The following ELN variants were observed in gnomAD, a reference collection of about 807,000 sequenced individuals.
ELN encodes tropoelastin.
A neutral mutation model predicts 105.8 loss-of-function variants in ELN; 65 were observed. That is an observed-to-expected ratio of 0.61 (90% confidence interval 0.50 to 0.75). ELN has a LOEUF of 0.75. Among genes scored for constraint, ELN ranks in the 30% least tolerant of loss-of-function variants. The pLI is 0.00. For synonymous variants in ELN, 368 were observed against 389.2 expected (o/e 0.95, Z 0.64); for missense variants, 882 against 969.4 (o/e 0.91, Z 1.20).
intron 4 of ELN, 169 bp downstream of exon 4, chr7:74,037,908 C>T (rs566171421): frequency 9.2e-6 from 9 of 981,218 alleles, no homozygotes; most frequent in East Asian, 8.1e-5. Context: ...ATGAGTAGGC[C>T]GGGGCCAGGT....
Position 74,063,338 on chromosome 7 carries a change from A to AGCCAAAGCTGCT in ELN, c.1896_1907dup (p.Ala634_Ala637dup). On this transcript the variant is annotated inframe_insertion, in exon 28 of 33. Coordinates refer to ENST00000252034, the MANE Select transcript of ELN (RefSeq NM_000501.4). This position sits in a 1 kb window ranked among gnomAD's most constrained non-coding sequence, Gnocchi z 4.1. ...CCGGACCCGCCGCCGCCGCTGCCGCAGCCAAAGCTGCTGCCAAAGCCGCCC... is the reference window on the plus strand; with the variant it reads ...CCGGACCCGCCGCCGCCGCTGCCGCAGCCAAAGCTGCTGCCAAAGCTGCTGCCAAAGCCGCCC... 1 of 1,550,498 alleles carries AGCCAAAGCTGCT rather than the reference A, an allele frequency of 6.4e-7. No individual in the cohort carries two copies. Among genetic ancestry groups the AGCCAAAGCTGCT allele is most frequent in the Non-Finnish European group, 8.7e-7 (1 of 1,148,138 alleles).
chr7:74,037,672 G>A (rs1554666473), intron 3 of ELN, 35 bp from the exon 4 acceptor site: 2 of 1,607,116 alleles, frequency 1.2e-6, no homozygotes, highest in South Asian at 2.2e-5. Flanking sequence ...GATAAGCTGG[G>A]CCACCCCATT....
At position 74,059,874 on chromosome 7, in the gene ELN, T is replaced by C. The variant is rs1209538712; in HGVS notation, c.1415-12T>C. 2.6e-6 allele frequency: 3 copies of C among 1,133,698 alleles called. No homozygotes were observed. The highest frequency in any genetic ancestry group is 4.0e-6 in the Non-Finnish European group (3 of 740,806). 70.2% of individuals were successfully genotyped at this position (1,133,698 alleles called of 1,614,324 possible). ...GGTCTTGGTTAATGATCAGCTCTTC[T>C]CAATCTTGCAGGGTTAGTTCCTGGT... On this transcript the variant is annotated splice_polypyrimidine_tract_variant and intron_variant, in intron 22 of 32. Transcript: ENST00000252034.
In ELN at chr7:74,066,769, T is replaced by C; in HGVS notation, c.2124T>C (p.Ile708=). ...GACCTGGCTTCGGATTGTCTCCCAT[T>C]TTCCCAGGTATGCCAGGCTCCCTGC... The part of the protein sequence containing the change: ...AARPGFGLSP[I]FPGGACLGKA... The change falls in exon 32 of 33, where the codon ATT becomes ATC. Residue 708 remains isoleucine (I), a synonymous_variant. Coordinates refer to ENST00000252034, the MANE Select transcript of ELN (RefSeq NM_000501.4). The C allele has an allele frequency of 6.2e-7, 1 of 1,613,218 alleles. No homozygotes were observed. The highest frequency in any genetic ancestry group is 1.3e-5 in the African/African-American group (1 of 74,938).
chr7:74,031,797 A>AAG (rs374353560), intron 1 of ELN, among the ~76,000 whole-genome samples: 344 of 147,990 alleles, frequency 2.3e-3, no homozygotes, highest in Admixed American at 4.1e-3. Context: ...AAAAGAAAGA[A>AAG]AGAGAGAGAG....
chr7:74,052,939 A>C, intron 17 of ELN: 1 of 598,106 alleles, frequency 1.7e-6, no homozygotes, highest in Non-Finnish European at 2.9e-6. Flanking sequence ...AGAAAAAGAA[A>C]GAGATCACAT....
intron 1 of ELN, among the ~76,000 whole-genome samples, chr7:74,031,872 G>T (rs928966801): frequency 1.4e-5 from 2 of 144,858 alleles, no homozygotes; most frequent in Admixed American, 6.9e-5. Flanking sequence ...AAGGAAGGAA[G>T]GAAGGAAGGA....
At chr7:74,053,122 G>A in intron 17 of ELN, 41 bp from the exon 18 acceptor site, 1 of 1,613,926 alleles carries the variant, frequency 6.2e-7, no homozygotes, top group South Asian at 1.1e-5. Flanking sequence ...GCCCCTCTGA[G>A]GTTCCCATAG....
intron 14 of ELN, 116 bp downstream of exon 14, chr7:74,048,317 C>G: frequency 6.5e-7 from 1 of 1,539,714 alleles, no homozygotes; most frequent in Non-Finnish European, 9.0e-7. Flanking sequence ...CATCCAGACC[C>G]TGGTCCAAAC....
Position 74,053,251 on chromosome 7 carries a change from C to A in ELN, c.1038C>A (p.Val346=), listed in dbSNP as rs201597775. ...GAGCTGGCGTTCCAGGTGTTGGTGT[C>A]CCAGGAGCTGGGATTCCAGTTGTCC... ...VPGAGVPGVG[V]PGAGIPVVPG... The change falls in exon 18 of 33, where the codon GTC becomes GTA. Residue 346 remains valine (V), a synonymous_variant. Coordinates refer to ENST00000252034, the MANE Select transcript of ELN (RefSeq NM_000501.4). 1.2e-6 allele frequency: 2 copies of A among 1,613,908 alleles called. No individual in the cohort carries two copies. The highest frequency in any genetic ancestry group is 2.2e-5 in the East Asian group (1 of 44,882).
intron 3 of ELN, among the ~76,000 whole-genome samples, chr7:74,037,393 C>G (rs1285551903): frequency 1.3e-5 from 2 of 152,000 alleles, no homozygotes; most frequent in Non-Finnish European, 2.9e-5. Flanking sequence ...AGGGTTTCAC[C>G]ATGTTTGCCA....
chr7:74,057,845 C>A, intron 22 of ELN, 149 bp downstream of exon 22: 1 of 854,210 alleles, frequency 1.2e-6, no homozygotes, highest in South Asian at 1.5e-5. Flanking sequence ...CCTTTTGGCC[C>A]ACTGATGAAT....
In ELN at chr7:74,041,077, G is replaced by C. The variant is rs1041313710; in HGVS notation, c.197-139G>C. On this transcript the variant is annotated intron_variant, in intron 4 of 32. Transcript: ENST00000252034. ...TGGTGGATGCTATTTTATCAGGATC[G>C]ACCCTGAGCATCACAGGCTTAGGGA... 16 of 1,051,328 alleles carry C rather than the reference G, an allele frequency of 1.5e-5. No individual in the cohort carries two copies. In the South Asian group the frequency reaches 1.9e-4, roughly 12 times the overall value. The allele number at this position is 1,051,328 out of a possible 1,614,324, so 65.1% of individuals were successfully genotyped here. A position where few individuals can be genotyped will look rare whatever the true frequency, so the allele number is the denominator to read the frequency against.
intron 15 of ELN, among the ~76,000 whole-genome samples, chr7:74,049,876 C>T (rs1793539049): frequency 6.7e-6 from 1 of 148,922 alleles, no homozygotes; most frequent in Non-Finnish European, 1.5e-5. Flanking sequence ...ATCCATTTAC[C>T]CATCCATCCA....
chr7:74,051,802 C>A lies in ELN; in HGVS notation c.852C>A (p.Gly284=), dbSNP rs781913092. ...GTGTTGGAGGGGCTGGTGTTCCTGGCGTGCCTGGGGCAATTCCTGGAATTG... is the reference window on the plus strand; with the variant it reads ...GTGTTGGAGGGGCTGGTGTTCCTGGAGTGCCTGGGGCAATTCCTGGAATTG... ...LPGVGGAGVP[G]VPGAIPGIGG... The change falls in exon 16 of 33, where the codon GGC becomes GGA. Residue 284 remains glycine, a synonymous_variant. Coordinates refer to ENST00000252034, the MANE Select transcript of ELN (RefSeq NM_000501.4). The A allele has an allele frequency of 5.6e-6, 9 of 1,614,190 alleles. No individual in the cohort carries two copies. Among genetic ancestry groups the A allele is most frequent in the South Asian group, 1.1e-5 (1 of 91,082 alleles).
chr7:74,051,686 GC>G (rs1794070056), intron 15 of ELN, 63 bp from the exon 16 acceptor site: 1 of 1,583,698 alleles, frequency 6.3e-7, no homozygotes, highest in Admixed American at 1.7e-5. Flanking sequence ...CGTCTAAGTG[GC>G]CATCCTGCCT....
At chr7:74,055,464 T>A (rs1316496959) in intron 19 of ELN, among the ~76,000 whole-genome samples, 1 of 151,826 alleles carries the variant, frequency 6.6e-6, no homozygotes, top group African/African-American at 2.4e-5. Flanking sequence ...TGAAAAATTT[T>A]AATTTTTTTT....
Position 74,028,200 on chromosome 7 carries a change from ACGGCGG to A in ELN, c.18_23del (p.Ala7_Ala8del), listed in dbSNP as rs1554659963. 1 of 1,611,202 alleles carries A rather than the reference ACGGCGG, an allele frequency of 6.2e-7. No homozygotes were observed. Among genetic ancestry groups the A allele is most frequent in the South Asian group, 1.1e-5 (1 of 90,920 alleles). Reference sequence around the variant, plus strand: ...ATTTCTCCCCGAGATGGCGGGTCTGACGGCGGCGGCCCCGCGGCCCGGAGTCCTCCT... The same window carrying A: ...ATTTCTCCCCGAGATGGCGGGTCTGACGGCCCCGCGGCCCGGAGTCCTCCT... On this transcript the variant is annotated inframe_deletion, in exon 1 of 33. Coordinates refer to ENST00000252034, the MANE Select transcript of ELN (RefSeq NM_000501.4).
At position 74,069,028 on chromosome 7, in the gene ELN, G is replaced by T. The variant is rs1158451564; in HGVS notation, c.*328G>T. On this transcript the variant is annotated 3_prime_UTR_variant, in exon 33 of 33. Transcript: ENST00000252034. ...TACACGCTGGTGCTCTTATCTTCCT[G>T]GGGGGAGGGAGGAGGGAAGGGTGGC... is the stretch of plus-strand genomic sequence containing the variant. The T allele has an allele frequency of 4.1e-5, 18 of 438,488 alleles. No individual in the cohort carries two copies. The highest frequency in any genetic ancestry group is 7.6e-5 in the Non-Finnish European group (18 of 235,784). The allele number at this position is 438,488 out of a possible 1,614,324, so 27.2% of individuals were successfully genotyped here. A position where few individuals can be genotyped will look rare whatever the true frequency, so the allele number is the denominator to read the frequency against.
Sources: allele counts gnomAD v4.1 joint callset (sites outside exome capture counted in the v4.1 genomes callset), GRCh38; gene constraint gnomAD v4.1.1; non-coding constraint Gnocchi (gnomAD v3.1); transcripts MANE v1.5; gene names NCBI Gene and HGNC (gene_info 2026-07-23, HGNC 2026-07-21).